The following THSD7B variants were observed in gnomAD, a reference collection of about 807,000 sequenced individuals.
THSD7B encodes thrombospondin type-1 domain-containing protein 7B.
THSD7B carries 138 observed loss-of-function variants against 213.6 expected under a neutral mutation model. The observed-to-expected ratio is 0.65, with a 90% CI of 0.56 to 0.74. The LOEUF (loss-of-function observed/expected upper bound fraction) is 0.74, where lower values mean the gene tolerates loss of function less well. THSD7B is among the 30% of genes least tolerant of loss of function. THSD7B has a pLI of 0.00. For missense variants in THSD7B, 1,931 were observed against 1,991.5 expected (o/e 0.97, Z 0.58); for synonymous variants, 742 against 687.0 (o/e 1.08, Z -1.25).
intron 3 of THSD7B, among the ~76,000 whole-genome samples, chr2:137,076,288 G>A (rs62171246): frequency 0.087 from 13,261 of 152,314 alleles, 715 homozygotes; most frequent in East Asian, 0.17. Context: ...ATTCGACAAT[G>A]GCGGGCGCCC....
intron 2 of THSD7B, among the ~76,000 whole-genome samples, chr2:136,990,740 G>C (rs1029533909): frequency 6.6e-6 from 1 of 152,182 alleles, no homozygotes; most frequent in Non-Finnish European, 1.5e-5. Flanking sequence ...AATATTTGTA[G>C]TTTGTTCTTC....
chr2:137,151,673 A>G (rs1194016354), intron 5 of THSD7B, among the ~76,000 whole-genome samples: 5 of 152,238 alleles, frequency 3.3e-5, no homozygotes, highest in Admixed American at 3.3e-4. Flanking sequence ...TAAATGTACA[A>G]ACCAGTAATA....
intron 2 of THSD7B, among the ~76,000 whole-genome samples, chr2:136,894,863 T>C (rs1229696734): frequency 2.6e-5 from 4 of 152,218 alleles, no homozygotes; most frequent in African/African-American, 7.2e-5. Context: ...ATACTTTAGC[T>C]GTTTCAAATA....
intron 7 of THSD7B, among the ~76,000 whole-genome samples, chr2:137,209,332 A>G (rs920410335): frequency 5.3e-5 from 8 of 152,064 alleles, no homozygotes; most frequent in African/African-American, 1.7e-4. Flanking sequence ...CCTTCAATCC[A>G]TAGCTCTTAG....
chr2:137,182,994 A>G (rs1680482810), intron 7 of THSD7B, among the ~76,000 whole-genome samples: 2 of 152,134 alleles, frequency 1.3e-5, no homozygotes, highest in East Asian at 1.9e-4. Flanking sequence ...TCTTATCATT[A>G]TTATAATTAT....
chr2:137,666,539 C>A (rs1683451107), intron 26 of THSD7B, among the ~76,000 whole-genome samples: 1 of 140,972 alleles, frequency 7.1e-6, no homozygotes, highest in Admixed American at 7.4e-5. Context: ...GATTGATTTC[C>A]CCCCCCCATA....
rs1003568099 is a variant in THSD7B, at chr2:137,123,562, C to T, written c.1369+8269C>T. The stretch of plus-strand genomic sequence containing the variant: ...TCATTGCCTCCTGGCCTGGAACCTC[C>T]TGAGTAAAGTATTAGCACTCAAATT... On this transcript the variant is annotated intron_variant, in intron 5 of 27. Transcript: ENST00000409968. 4.3e-4 allele frequency among the ~76,000 whole-genome samples: 66 copies of T among 152,216 alleles called. 1 individual carries two copies. Among genetic ancestry groups the T allele is most frequent in the African/African-American group, 1.5e-3 (64 of 41,524 alleles).
chr2:136,877,923 TTG>T (rs1266676688), intron 1 of THSD7B, among the ~76,000 whole-genome samples: 1 of 114,106 alleles, frequency 8.8e-6, no homozygotes, highest in African/African-American at 4.0e-5. Flanking sequence ...ATTTCTTTTC[TTG>T]TTTTTTTAAT....
chr2:137,295,601 G>T (rs1683442866), intron 12 of THSD7B, among the ~76,000 whole-genome samples: 1 of 151,976 alleles, frequency 6.6e-6, no homozygotes, highest in South Asian at 2.1e-4. Flanking sequence ...TCAGTTTCCT[G>T]AGTAGCTGGG....
At chr2:136,848,921 G>A (rs1459156503) in intron 1 of THSD7B, among the ~76,000 whole-genome samples, 1 of 152,026 alleles carries the variant, frequency 6.6e-6, no homozygotes, top group African/African-American at 2.4e-5. Context: ...AGCAACAATA[G>A]CAGCTACTGT....
intron 2 of THSD7B, among the ~76,000 whole-genome samples, chr2:137,049,326 A>G (rs1221811899): frequency 6.6e-6 from 1 of 152,176 alleles, no homozygotes; most frequent in Non-Finnish European, 1.5e-5. Context: ...CCATTTGCTC[A>G]AGGGATATCA....
chr2:137,309,443 C>T (rs181080155), intron 12 of THSD7B, among the ~76,000 whole-genome samples: 2 of 151,204 alleles, frequency 1.3e-5, no homozygotes. Flanking sequence ...TCCTTATGAA[C>T]TTATTTGTTT....
intron 5 of THSD7B, among the ~76,000 whole-genome samples, chr2:137,156,846 G>A (rs1385814596): frequency 6.6e-6 from 1 of 152,160 alleles, no homozygotes; most frequent in East Asian, 1.9e-4. Context: ...TTGAACTGCA[G>A]GGCCCAACAT....
At chr2:136,772,206 G>A (rs1681521028) in intron 1 of THSD7B, among the ~76,000 whole-genome samples, 1 of 152,062 alleles carries the variant, frequency 6.6e-6, no homozygotes, top group African/African-American at 2.4e-5. Flanking sequence ...TTACTCAGCA[G>A]GTTCAGTCTT....
chr2:137,602,453 A>G (rs1682093022), intron 17 of THSD7B, among the ~76,000 whole-genome samples: 1 of 152,006 alleles, frequency 6.6e-6, no homozygotes, highest in African/African-American at 2.4e-5. Flanking sequence ...GTATTTTAGT[A>G]GAGACGGGGT....
chr2:137,151,524 T>C (rs1312568705), intron 5 of THSD7B, among the ~76,000 whole-genome samples: 2 of 72,198 alleles, frequency 2.8e-5, no homozygotes, highest in African/African-American at 5.0e-5. Context: ...AACTTAAAAG[T>C]ATAAAAAAAA....
intron 7 of THSD7B, among the ~76,000 whole-genome samples, chr2:137,204,404 T>G (rs1273242977): frequency 3.3e-5 from 5 of 152,134 alleles, no homozygotes; most frequent in Non-Finnish European, 7.4e-5. Flanking sequence ...CTGATTTCCA[T>G]ATATTCTGTG....
At chr2:136,819,177 A>T (rs1479162280) in intron 1 of THSD7B, among the ~76,000 whole-genome samples, 3 of 152,226 alleles carry the variant, frequency 2.0e-5, no homozygotes, top group Non-Finnish European at 2.9e-5. Context: ...AAAGAAGCCC[A>T]TGGTCAAATG....
intron 17 of THSD7B, among the ~76,000 whole-genome samples, chr2:137,605,648 CTTTTTTTTTTTTTTTTTTTTT>C (rs34604281): frequency 2.0e-4 from 14 of 69,020 alleles, no homozygotes; most frequent in Admixed American, 4.0e-4. Context: ...GCACTTCGCA[CTTTTTTTTTTTTTTTTTTTTT>C]TTTTTTTTTT....
Sources: gnomAD v4.1 joint callset for allele counts (sites outside exome capture counted in the v4.1 genomes callset) on GRCh38, gnomAD v4.1.1 for gene constraint, MANE v1.5 for transcripts, NCBI Gene and HGNC (gene_info 2026-07-23, HGNC 2026-07-21) for gene names.